Variants in PCDHGA8 observed in about 807,000 individuals in gnomAD.
PCDHGA8 encodes protocadherin gamma subfamily A, 8.
Under a neutral mutation model 59.2 loss-of-function variants are expected in PCDHGA8, and 45 were observed. That is an observed-to-expected ratio of 0.76 (90% CI 0.60 to 0.98). The LOEUF is 0.98. PCDHGA8 is among the 50% of genes least tolerant of loss of function. The pLI, the probability that PCDHGA8 is intolerant of heterozygous loss-of-function variation, is 0.00. For missense variants in PCDHGA8, 1,257 were observed against 1,196.2 expected, an observed-to-expected ratio of 1.05 and a Z score of -0.75; for synonymous variants, 531 against 519.0, an observed-to-expected ratio of 1.02 and a Z score of -0.32.
At chr5:141,423,745 C>A (rs561499055) in intron 1 of PCDHGA8, 2 of 605,688 alleles carry the variant, frequency 3.3e-6, no homozygotes, top group Non-Finnish European at 4.0e-6. Context: ...GTTATGAAAA[C>A]TGTTTGGGGG....
At position 141,392,959 on chromosome 5, in the gene PCDHGA8, C is replaced by T. The variant is rs2092637209; in HGVS notation, c.146C>T (p.Ser49Phe). 6.2e-7 allele frequency: 1 copy of T among 1,613,902 alleles called. No homozygotes were observed. The highest frequency in any genetic ancestry group is 1.3e-5 in the African/African-American group (1 of 75,038). Reference protein sequence around the residue: ...TDKGSFVGNISKDLGLDPRKL... With the variant: ...TDKGSFVGNIFKDLGLDPRKL... The stretch of plus-strand genomic sequence containing the variant: ...AAAGGCTCCTTCGTGGGTAATATCT[C>T]CAAGGACCTGGGGCTGGACCCCCGG... Residue 49 changes from serine (S) to phenylalanine (F), a missense_variant, in exon 1 of 4, where the codon TCC becomes TTC. By Grantham distance (155) the Ser-to-Phe change is radical. Transcript: ENST00000398604.
At chr5:141,414,704 C>A (rs778708386) in intron 1 of PCDHGA8, 8 of 1,614,036 alleles carry the variant, frequency 5.0e-6, no homozygotes, top group Non-Finnish European at 5.9e-6. Flanking sequence ...TCATACATAT[C>A]CATCAACTCA....
intron 1 of PCDHGA8, chr5:141,418,984 C>T: frequency 6.2e-7 from 1 of 1,613,930 alleles, no homozygotes; most frequent in African/African-American, 1.3e-5. Flanking sequence ...GGGACCAAGA[C>T]TCAGGGGAAA....
chr5:141,399,797 G>T, intron 1 of PCDHGA8: 2 of 1,613,192 alleles, frequency 1.2e-6, no homozygotes, highest in Non-Finnish European at 8.5e-7. Context: ...AACGCACCGC[G>T]GGTGCTGTAC....
At chr5:141,499,620 G>A (rs557854340) in intron 2 of PCDHGA8, among the ~76,000 whole-genome samples, 1 of 150,986 alleles carries the variant, frequency 6.6e-6, no homozygotes, top group Non-Finnish European at 1.5e-5. Context: ...TCCTGTCCTT[G>A]GATTCTTTTG....
intron 1 of PCDHGA8, among the ~76,000 whole-genome samples, chr5:141,406,087 T>TA (rs113984376): frequency 6.7e-6 from 1 of 148,544 alleles, no homozygotes; most frequent in African/African-American, 2.5e-5. Flanking sequence ...TTTTTTTTTT[T>TA]AAGAGATGGG....
chr5:141,402,973 C>T (rs779898665), intron 1 of PCDHGA8: 4 of 1,608,044 alleles, frequency 2.5e-6, no homozygotes, highest in Non-Finnish European at 2.5e-6. Context: ...CAACCAAATG[C>T]CAGCTCCGCG....
At chr5:141,467,704 C>T (rs2099149502) in intron 1 of PCDHGA8, among the ~76,000 whole-genome samples, 2 of 152,174 alleles carry the variant, frequency 1.3e-5, no homozygotes. Flanking sequence ...CTCTGTTGCC[C>T]AGGCTGGAGT....
intron 1 of PCDHGA8, chr5:141,398,860 G>C: frequency 6.2e-7 from 1 of 1,614,010 alleles, no homozygotes; most frequent in South Asian, 1.1e-5. Flanking sequence ...ATTCAACCGA[G>C]ACGTGTACAG....
At position 141,491,289 on chromosome 5, in the gene PCDHGA8, C is replaced by T. The variant is rs2099710219; in HGVS notation, c.2425-3518C>T. ...CCAAATCCAGTGACTTCCTCATACA[C>T]CCTCCTGAGCGTTCAGACCTTACCC... On this transcript the variant is annotated intron_variant, in intron 1 of 3. Transcript: ENST00000398604. The surrounding 1 kb of genome is among the most constrained non-coding windows in gnomAD (Gnocchi z 6.9). 2 of 1,614,112 alleles carry T rather than the reference C, an allele frequency of 1.2e-6. No homozygotes were observed. The highest frequency in any genetic ancestry group is 1.7e-6 in the Non-Finnish European group (2 of 1,179,942).
At chr5:141,439,898 C>A (rs1428014089) in intron 1 of PCDHGA8, 2 of 152,344 alleles carry the variant, frequency 1.3e-5, no homozygotes, top group African/African-American at 4.8e-5. Flanking sequence ...ACCAAGGCGA[C>A]TACTGCCTCC....
intron 1 of PCDHGA8, among the ~76,000 whole-genome samples, chr5:141,454,222 T>C (rs1411974754): frequency 6.6e-6 from 1 of 152,118 alleles, no homozygotes; most frequent in African/African-American, 2.4e-5. Flanking sequence ...ATGAGAAAAG[T>C]AATTGTGATG....
Position 141,393,456 on chromosome 5 carries a change from T to A in PCDHGA8, c.643T>A (p.Ser215Thr). ...TGCTCACCACCTGGTCCTCACGGCC[T>A]CGGATGGCGGCAAGCCGCCTCGCTC... ...EAAHHLVLTA[S>T]DGGKPPRSST... Residue 215 changes from serine to threonine, a missense_variant, in exon 1 of 4, where the codon TCG becomes ACG. Physicochemically the swap from Ser to Thr is moderately conservative, Grantham distance 58 (BLOSUM62 1). Coordinates refer to ENST00000398604, the MANE Select transcript of PCDHGA8 (RefSeq NM_032088.2). 1 of 1,614,026 alleles carries A rather than the reference T, an allele frequency of 6.2e-7. No individual in the cohort carries two copies. Among genetic ancestry groups the A allele is most frequent in the African/African-American group, 1.3e-5 (1 of 75,058 alleles).
chr5:141,453,205 G>A lies in PCDHGA8; in HGVS notation c.2425-41602G>A, dbSNP rs570291941. On this transcript the variant is annotated intron_variant, in intron 1 of 3. Coordinates refer to ENST00000398604, the MANE Select transcript of PCDHGA8 (RefSeq NM_032088.2). ...CACAGCTCACTGCAGCCTCAACCTC[G>A]TGCACTTAAGCGATCCTCCCACCTC... Among the ~76,000 whole-genome samples the A allele has an allele frequency of 1.1e-4, 17 of 151,990 alleles. No individual in the cohort carries two copies. In the East Asian group the frequency reaches 2.5e-3, roughly 22 times the overall value.
chr5:141,425,881 A>C (rs911454948), intron 1 of PCDHGA8, among the ~76,000 whole-genome samples: 1 of 152,230 alleles, frequency 6.6e-6, no homozygotes, highest in African/African-American at 2.4e-5. Context: ...TCTCTAAGGA[A>C]TCTTCTTTGG....
chr5:141,408,184 G>A, intron 1 of PCDHGA8: 1 of 1,541,100 alleles, frequency 6.5e-7, no homozygotes, highest in Non-Finnish European at 8.8e-7. Flanking sequence ...CGGGGACCCA[G>A]CGAGAACCCG....
intron 1 of PCDHGA8, among the ~76,000 whole-genome samples, chr5:141,484,730 G>T (rs1231473842): frequency 6.6e-6 from 1 of 151,728 alleles, no homozygotes; most frequent in Non-Finnish European, 1.5e-5. Context: ...GGGGTCAGTC[G>T]GTGTGTTAGG....
At chr5:141,404,326 A>G in intron 1 of PCDHGA8, 2 of 1,613,904 alleles carry the variant, frequency 1.2e-6, no homozygotes, top group Non-Finnish European at 1.7e-6. Context: ...CCTCCTACTC[A>G]GTCTACCTCC....
At chr5:141,423,251 ACCTCGGCAG>A (rs770264100) in intron 1 of PCDHGA8, 3 of 1,613,726 alleles carry the variant, frequency 1.9e-6, no homozygotes, top group African/African-American at 2.7e-5. Flanking sequence ...GTCCTGGCGG[ACCTCGGCAG>A]CCTCGAGTCT....
Sources: gnomAD v4.1 joint callset for allele counts (sites outside exome capture counted in the v4.1 genomes callset) on GRCh38, gnomAD v4.1.1 for gene constraint, Gnocchi (gnomAD v3.1) non-coding constraint, MANE v1.5 for transcripts, NCBI Gene and HGNC (gene_info 2026-07-23, HGNC 2026-07-21) for gene names.